Variants in FOXN1 observed in about 807,000 individuals in gnomAD.
The protein encoded by FOXN1 is forkhead box protein N1.
FOXN1 carries 15 observed loss-of-function variants against 49.0 expected under a neutral mutation model. That is an observed-to-expected ratio of 0.31 (90% confidence interval 0.20 to 0.47). FOXN1 has a LOEUF of 0.47. Ranked by LOEUF, FOXN1 falls within the 20% of genes least tolerant of loss-of-function variation. The pLI, the probability that FOXN1 is intolerant of heterozygous loss-of-function variation, is 1.00. For synonymous variants in FOXN1, 356 were observed against 369.0 expected, an observed-to-expected ratio of 0.96 and a Z score of 0.40; for missense variants, 800 against 842.8, an observed-to-expected ratio of 0.95 and a Z score of 0.63.
chr17:28,535,542 G>A (rs2070041935), intron 8 of FOXN1, among the ~76,000 whole-genome samples: 1 of 152,214 alleles, frequency 6.6e-6, no homozygotes, highest in African/African-American at 2.4e-5. Flanking sequence ...CTGAGGTCAG[G>A]CATTCGAGAC....
At chr17:28,513,817 T>C (rs1265000291) in intron 1 of FOXN1, among the ~76,000 whole-genome samples, 1 of 152,132 alleles carries the variant, frequency 6.6e-6, no homozygotes, top group Admixed American at 6.5e-5. Context: ...GGGCCATGGC[T>C]GGGTGGCAGA....
intron 1 of FOXN1, among the ~76,000 whole-genome samples, chr17:28,509,396 A>C: frequency 7.1e-6 from 1 of 140,902 alleles, no homozygotes; most frequent in Admixed American, 7.3e-5. Flanking sequence ...CCTCACTCCC[A>C]CCTCCAACCA....
chr17:28,516,463 G>A (rs186567535), intron 1 of FOXN1, among the ~76,000 whole-genome samples: 197 of 150,312 alleles, frequency 1.3e-3, no homozygotes, highest in Admixed American at 4.4e-3. Flanking sequence ...CACCTCCACA[G>A]GGTACACACT....
intron 1 of FOXN1, among the ~76,000 whole-genome samples, chr17:28,514,752 CAGGTGGGAGGCAGCA>C (rs2069461473): frequency 6.6e-6 from 1 of 152,140 alleles, no homozygotes; most frequent in African/African-American, 2.4e-5. Context: ...AGGAGGCCGC[CAGGTGGGAGGCAGCA>C]GGGAGCGTGA....
chr17:28,531,541 A>G (rs1244436841), intron 6 of FOXN1, among the ~76,000 whole-genome samples: 1 of 152,142 alleles, frequency 6.6e-6, no homozygotes, highest in Non-Finnish European at 1.5e-5. Context: ...CATTCCCCTA[A>G]GGTCGCACAG....
intron 1 of FOXN1, among the ~76,000 whole-genome samples, chr17:28,521,399 A>G (rs2069637601): frequency 6.6e-6 from 1 of 152,022 alleles, no homozygotes; most frequent in African/African-American, 2.4e-5. Flanking sequence ...CCCCTGCACC[A>G]CCTCCTGAGA....
chr17:28,532,413 G>A (rs2069935811), intron 6 of FOXN1, among the ~76,000 whole-genome samples: 1 of 152,218 alleles, frequency 6.6e-6, no homozygotes, highest in Non-Finnish European at 1.5e-5. Context: ...GGGTGACCTG[G>A]GCAGGGCCCT....
intron 3 of FOXN1, among the ~76,000 whole-genome samples, chr17:28,525,305 C>A (rs539154013): frequency 1.1e-4 from 16 of 152,288 alleles, no homozygotes; most frequent in African/African-American, 3.8e-4. Context: ...ACAAGAAAAA[C>A]ACATTCCAGA....
chr17:28,511,251 C>T (rs1201442752), intron 1 of FOXN1, among the ~76,000 whole-genome samples: 3 of 152,174 alleles, frequency 2.0e-5, no homozygotes, highest in Non-Finnish European at 4.4e-5. Context: ...ATGTATTTGC[C>T]TTGTACTAAA....
chr17:28,534,326 G>T lies in FOXN1; in HGVS notation c.928-5G>T, dbSNP rs372119294. ...CTGAATGCTTGTCTTGCTCTGTTCC[G>T]GCAGACAGCACCCGATGGCTGGAAG... is the stretch of plus-strand genomic sequence containing the variant. On this transcript the variant is annotated splice_region_variant and splice_polypyrimidine_tract_variant and intron_variant, in intron 6 of 8. Coordinates refer to ENST00000579795, the MANE Select transcript of FOXN1 (RefSeq NM_001369369.1). This position sits in a 1 kb window ranked among gnomAD's most constrained non-coding sequence, Gnocchi z 4.1. The T allele has an allele frequency of 6.2e-7, 1 of 1,614,100 alleles. No homozygotes were observed. Among genetic ancestry groups the T allele is most frequent in the South Asian group, 1.1e-5 (1 of 91,082 alleles).
chr17:28,524,166 C>T lies in FOXN1; in HGVS notation c.123+74C>T. On this transcript the variant is annotated intron_variant, in intron 2 of 8. Transcript: ENST00000579795. ...CCCAGGCAACAAGAAGACCAGTCAC[C>T]TTACCGCCCCCAGGGACCTCCCAGG... is the stretch of plus-strand genomic sequence containing the variant. The T allele has an allele frequency of 2.0e-6, 3 of 1,474,898 alleles. No individual in the cohort carries two copies. In the Admixed American group the frequency reaches 6.2e-5, roughly 31 times the overall value. 91.4% of individuals were successfully genotyped at this position (1,474,898 alleles called of 1,614,324 possible).
intron 1 of FOXN1, 47 bp from the exon 2 acceptor site, chr17:28,523,909 C>A: frequency 2.5e-6 from 4 of 1,609,394 alleles, no homozygotes; most frequent in Non-Finnish European, 3.4e-6. Flanking sequence ...GGGTTGGTCC[C>A]CACTGGATGC....
At chr17:28,523,842 C>A in intron 1 of FOXN1, 114 bp from the exon 2 acceptor site, 1 of 827,498 alleles carries the variant, frequency 1.2e-6, no homozygotes, top group Non-Finnish European at 2.1e-6. Flanking sequence ...CATCAGATGG[C>A]TGACTGGAGG....
intron 8 of FOXN1, 23 bp downstream of exon 8, chr17:28,535,221 A>C: frequency 3.7e-6 from 6 of 1,610,454 alleles, no homozygotes; most frequent in Non-Finnish European, 4.2e-6. Context: ...TGGGAAAGGG[A>C]AGGTGGGACA....
In FOXN1 at chr17:28,530,750, A is replaced by G. The variant is rs113979879; in HGVS notation, c.832A>G (p.Ile278Val). Reference protein sequence around the residue: ...LFPKPIYSYSILIFMALKNSK... With the variant: ...LFPKPIYSYSVLIFMALKNSK... ...CTCAGGGGCTTTCTCTTTCTTCAGC[A>G]TCCTCATCTTCATGGCCCTTAAGAA... Residue 278 changes from isoleucine (I) to valine (V), a missense_variant and splice_region_variant, in exon 6 of 9, where the codon ATC becomes GTC. By Grantham distance (29) the Ile-to-Val change is conservative (BLOSUM62 3). Coordinates refer to ENST00000579795, the MANE Select transcript of FOXN1 (RefSeq NM_001369369.1). 9.6e-5 allele frequency: 145 copies of G among 1,504,096 alleles called. No homozygotes were observed. In the African/African-American group the frequency reaches 1.6e-3, roughly 17 times the overall value. 93.2% of individuals were successfully genotyped at this position (1,504,096 alleles called of 1,614,324 possible).
At chr17:28,535,316 A>T in intron 8 of FOXN1, 118 bp downstream of exon 8, 1 of 1,133,482 alleles carries the variant, frequency 8.8e-7, no homozygotes, top group Non-Finnish European at 1.3e-6. Flanking sequence ...TTTCTGGTCA[A>T]CTGAAGCAGA....
chr17:28,528,287 C>T (rs555421338), intron 4 of FOXN1, among the ~76,000 whole-genome samples: 121 of 152,338 alleles, frequency 7.9e-4, no homozygotes, highest in African/African-American at 2.6e-3. Flanking sequence ...CCGAAGCTAT[C>T]CTGAGGCTCA....
rs370498747 is a variant in FOXN1, at chr17:28,534,749, G to T, written c.1178G>T (p.Gly393Val). 6.2e-7 allele frequency: 1 copy of T among 1,613,570 alleles called. No individual in the cohort carries two copies. Residue 393 changes from glycine (G) to valine (V), a missense_variant, in exon 8 of 9, where the codon GGC becomes GTC. Physicochemically the swap from Gly to Val is moderately radical, Grantham distance 109 (BLOSUM62 -3). Transcript: ENST00000579795. The surrounding 1 kb of genome is among the most constrained non-coding windows in gnomAD (Gnocchi z 4.1). ...ATTGGAGACAAGAGAGAAAAGCTGG[G>T]CTCCCCACTCCTGGGCTGTCCGCCC... is the stretch of plus-strand genomic sequence containing the variant. ...SLIGDKREKLGSPLLGCPPPG... is the reference protein window; with the variant it reads ...SLIGDKREKLVSPLLGCPPPG...
chr17:28,530,055 G>A (rs2069873087), intron 5 of FOXN1, among the ~76,000 whole-genome samples: 1 of 151,900 alleles, frequency 6.6e-6, no homozygotes, highest in Non-Finnish European at 1.5e-5. Flanking sequence ...GCAAGGGGAG[G>A]GACAACGTTA....
Sources: gnomAD v4.1 joint callset for allele counts (sites outside exome capture counted in the v4.1 genomes callset) on GRCh38, gnomAD v4.1.1 for gene constraint, Gnocchi (gnomAD v3.1) non-coding constraint, MANE v1.5 for transcripts, NCBI Gene and HGNC (gene_info 2026-07-23, HGNC 2026-07-21) for gene names.